Variants in MED14 observed in about 807,000 individuals in gnomAD.
MED14 encodes mediator complex subunit 14, also known as mediator of RNA polymerase II transcription subunit 14.
MED14 carries 8 observed loss-of-function variants against 109.0 expected under a neutral mutation model. The ratio of observed to expected loss-of-function variants is 0.07; its 90% CI spans 0.04 to 0.13. The LOEUF (loss-of-function observed/expected upper bound fraction) is 0.13. Ranked by LOEUF, MED14 falls within the 10% of genes least tolerant of loss-of-function variation. The probability of loss-of-function intolerance (pLI) is 1.00; values close to 1 mark genes in which losing one functional copy is unlikely to be tolerated. For synonymous variants in MED14, 399 were observed against 408.7 expected, an observed-to-expected ratio of 0.98 and a Z score of 0.29; for missense variants, 711 against 1,142.4, an observed-to-expected ratio of 0.62 and a Z score of 5.44.
chrX:40,685,100 A>G (rs939302072), intron 16 of MED14, among the ~76,000 whole-genome samples: 3 of 112,250 alleles, frequency 2.7e-5, no homozygotes, highest in African/African-American at 9.7e-5. Flanking sequence ...ATAGTACCTA[A>G]AAATTAAGAA....
At chrX:40,707,114 T>C (rs1931177834) in intron 10 of MED14, among the ~76,000 whole-genome samples, 1 of 106,593 alleles carries the variant, frequency 9.4e-6, no homozygotes, top group Non-Finnish European at 1.9e-5. Flanking sequence ...GATGGATAGA[T>C]AGATAGATAG....
intron 16 of MED14, among the ~76,000 whole-genome samples, chrX:40,687,224 A>G (rs1457502977): frequency 1.8e-5 from 2 of 111,507 alleles, no homozygotes; most frequent in African/African-American, 6.5e-5. Context: ...GCCCAAGATA[A>G]AACCAAGAAT....
intron 1 of MED14, among the ~76,000 whole-genome samples, chrX:40,730,968 A>G (rs1303166837): frequency 9.2e-6 from 1 of 108,298 alleles, no homozygotes; most frequent in Non-Finnish European, 1.9e-5. Context: ...CTGGGCACAC[A>G]TGGCAACCCC....
intron 1 of MED14, among the ~76,000 whole-genome samples, chrX:40,732,518 C>CA (rs367874034): frequency 0.25 from 23,234 of 91,701 alleles, 2,842 homozygotes; most frequent in African/African-American, 0.43. Flanking sequence ...GACTCTGTCT[C>CA]AAAAAAAAAA....
chrX:40,693,603 CT>C (rs769276417), intron 13 of MED14, among the ~76,000 whole-genome samples: 43 of 111,271 alleles, frequency 3.9e-4, no homozygotes, highest in Admixed American at 1.9e-3. Context: ...CCAAAACAGA[CT>C]AATACAGTCT....
intron 18 of MED14, 94 bp downstream of exon 18, chrX:40,682,507 TGC>T: frequency 1.4e-6 from 1 of 699,295 alleles, no homozygotes; most frequent in African/African-American, 2.2e-5. Flanking sequence ...TTGATTTTTT[TGC>T]TTGGAACACT....
chrX:40,723,548 C>A (rs1321730631), intron 3 of MED14, among the ~76,000 whole-genome samples: 2 of 108,248 alleles, frequency 1.8e-5, no homozygotes, highest in African/African-American at 6.7e-5. Flanking sequence ...CACCTGTAAT[C>A]CCAGCTACTC....
rs1279069757 is a variant in MED14, at chrX:40,662,891, A to C, written c.3684+34T>G. ...GACAATTTAGCATTTTACCCTTAACAATCACCACTTAGAAGGTCATTAGGT... is the reference window on the plus strand; with the variant it reads ...GACAATTTAGCATTTTACCCTTAACCATCACCACTTAGAAGGTCATTAGGT... On this transcript the variant is annotated intron_variant, in intron 26 of 30. Coordinates refer to ENST00000324817, the MANE Select transcript of MED14 (RefSeq NM_004229.4). The C allele has an allele frequency of 2.7e-5, 30 of 1,100,068 alleles. 1 individual carries two copies. The highest frequency in any genetic ancestry group is 5.5e-5 in the African/African-American group (3 of 54,933). 90.7% of individuals were successfully genotyped at this position (1,100,068 alleles called of 1,213,427 possible).
chrX:40,710,741 C>CTT (rs777252931), intron 8 of MED14, among the ~76,000 whole-genome samples: 2 of 112,548 alleles, frequency 1.8e-5, no homozygotes, highest in South Asian at 7.3e-4. Context: ...AGGTAAATGT[C>CTT]TATGTATTTA....
intron 21 of MED14, among the ~76,000 whole-genome samples, chrX:40,679,652 A>G (rs768950413): frequency 1.8e-5 from 2 of 112,292 alleles, no homozygotes; most frequent in South Asian, 3.7e-4. Context: ...ATATAAAGAA[A>G]AATACTTTTA....
chrX:40,689,532 A>G (rs933666179), intron 15 of MED14, among the ~76,000 whole-genome samples: 4 of 110,607 alleles, frequency 3.6e-5, no homozygotes, highest in Non-Finnish European at 7.6e-5. Flanking sequence ...CGTCTCTACT[A>G]ATACAAAAAT....
At chrX:40,668,783 G>C (rs1929618617) in intron 23 of MED14, among the ~76,000 whole-genome samples, 1 of 111,594 alleles carries the variant, frequency 9.0e-6, no homozygotes, top group South Asian at 3.7e-4. Context: ...AACATTAACA[G>C]TAAAATAGAA....
chrX:40,684,744 T>C (rs1264855000), intron 16 of MED14, among the ~76,000 whole-genome samples: 1 of 112,313 alleles, frequency 8.9e-6, no homozygotes, highest in Admixed American at 9.5e-5. Flanking sequence ...AAAATCTATC[T>C]AGTTAGAAAA....
At chrX:40,692,075 A>C in intron 15 of MED14, 108 bp downstream of exon 15, 1 of 717,703 alleles carries the variant, frequency 1.4e-6, no homozygotes, top group Non-Finnish European at 2.0e-6. Flanking sequence ...AATGAACAGG[A>C]TCACAAACAT....
At chrX:40,689,937 G>A (rs769660944) in intron 15 of MED14, among the ~76,000 whole-genome samples, 2 of 111,915 alleles carry the variant, frequency 1.8e-5, no homozygotes, top group East Asian at 2.8e-4. Flanking sequence ...AAGGTGGACA[G>A]AGAGGACGTA....
chrX:40,702,952 C>G (rs867363105), intron 11 of MED14, among the ~76,000 whole-genome samples: 4 of 112,044 alleles, frequency 3.6e-5, no homozygotes, highest in African/African-American at 1.3e-4. Context: ...ATAACACTGA[C>G]TCAGTAACAG....
chrX:40,658,157 C>T (rs1929128363), intron 28 of MED14, among the ~76,000 whole-genome samples: 1 of 109,402 alleles, frequency 9.1e-6, no homozygotes, highest in Non-Finnish European at 1.9e-5. Flanking sequence ...GTGGCATGAT[C>T]TCGGCTCACT....
chrX:40,663,512 A>C lies in MED14; in HGVS notation c.3449-352T>G, dbSNP rs930731883. On this transcript the variant is annotated intron_variant, in intron 25 of 30. Coordinates refer to ENST00000324817, the MANE Select transcript of MED14 (RefSeq NM_004229.4). ...CTCAGCTTCTACTCCCTGCCTTAAA[A>C]TCCTGTTGAGCCACCATGTGAACAA... is the stretch of plus-strand genomic sequence containing the variant. Among the ~76,000 whole-genome samples the C allele has an allele frequency of 2.7e-5, 3 of 111,827 alleles. No homozygotes were observed. The East Asian group carries it at 8.4e-4, about 31-fold the overall frequency.
chrX:40,655,718 A>G (rs1929031888), intron 28 of MED14, among the ~76,000 whole-genome samples: 1 of 112,297 alleles, frequency 8.9e-6, no homozygotes, highest in African/African-American at 3.2e-5. Flanking sequence ...ATTCAAATGG[A>G]TTTCTTTTTG....
Sources: allele counts gnomAD v4.1 joint callset (sites outside exome capture counted in the v4.1 genomes callset), GRCh38; gene constraint gnomAD v4.1.1; transcripts MANE v1.5; gene names NCBI Gene and HGNC (gene_info 2026-07-23, HGNC 2026-07-21).